GPC5: variants seen among roughly 807,000 people sequenced by gnomAD.
GPC5 encodes the protein glypican-5.
Under a neutral mutation model 53.9 loss-of-function variants are expected in GPC5, and 47 were observed. The observed-to-expected ratio is 0.87, with a 90% CI of 0.69 to 1.11. GPC5 has a LOEUF of 1.11. Among genes scored for constraint, GPC5 ranks in the 50% most tolerant of loss-of-function variants. The pLI, the probability that GPC5 is intolerant of heterozygous loss-of-function variation, is 0.00. For missense variants in GPC5, 748 were observed against 713.1 expected, an observed-to-expected ratio of 1.05 and a Z score of -0.56; for synonymous variants, 286 against 263.3, an observed-to-expected ratio of 1.09 and a Z score of -0.84.
chr13:92,556,632 G>A (rs1392731388), intron 7 of GPC5, among the ~76,000 whole-genome samples: 24 of 151,664 alleles, frequency 1.6e-4, no homozygotes, highest in Admixed American at 1.6e-3. Flanking sequence ...ACAAGCAAAA[G>A]ATGCCAGAGA....
intron 7 of GPC5, among the ~76,000 whole-genome samples, chr13:92,296,328 C>A (rs995165254): frequency 6.6e-6 from 1 of 151,442 alleles, no homozygotes; most frequent in African/African-American, 2.4e-5. Flanking sequence ...CTTAAACTCC[C>A]AAGAGTCTTC....
At chr13:92,455,619 T>C (rs1321762062) in intron 7 of GPC5, among the ~76,000 whole-genome samples, 1 of 152,130 alleles carries the variant, frequency 6.6e-6, no homozygotes, top group Non-Finnish European at 1.5e-5. Flanking sequence ...GAAAAAACAA[T>C]TGGTTAAATG....
At chr13:91,828,049 A>T (rs1194683497) in intron 5 of GPC5, among the ~76,000 whole-genome samples, 1 of 152,096 alleles carries the variant, frequency 6.6e-6, no homozygotes, top group East Asian at 1.9e-4. Context: ...CTGAATAGCA[A>T]AAGCATTATG....
At chr13:91,436,990 T>C (rs1238074591) in intron 1 of GPC5, among the ~76,000 whole-genome samples, 4 of 152,194 alleles carry the variant, frequency 2.6e-5, no homozygotes, top group African/African-American at 9.7e-5. Context: ...GTCTGTTTTA[T>C]CAGAGACTGG....
At chr13:92,482,901 T>G (rs1280772145) in intron 7 of GPC5, among the ~76,000 whole-genome samples, 1 of 152,148 alleles carries the variant, frequency 6.6e-6, no homozygotes, top group African/African-American at 2.4e-5. Context: ...TGAGACTAGT[T>G]AATTTATAAA....
chr13:92,282,485 G>T (rs1256422008), intron 7 of GPC5, among the ~76,000 whole-genome samples: 1 of 152,078 alleles, frequency 6.6e-6, no homozygotes, highest in Non-Finnish European at 1.5e-5. Context: ...AAATGTTAAG[G>T]GCAGCAAGAG....
Position 91,823,730 on chromosome 13 carries a change from A to G in GPC5, c.1280+67310A>G, listed in dbSNP as rs1047901872. Among the ~76,000 whole-genome samples the G allele has an allele frequency of 2.6e-5, 4 of 152,252 alleles. No individual in the cohort carries two copies. The East Asian group carries it at 5.8e-4, about 22-fold the overall frequency. ...AACCAATTTTTGCTATAAAACAGTG[A>G]GTGCTTTTGAGTAAGATCCAATGTC... On this transcript the variant is annotated intron_variant, in intron 5 of 7. Coordinates refer to ENST00000377067, the MANE Select transcript of GPC5 (RefSeq NM_004466.6).
At chr13:92,466,218 A>G (rs1878686869) in intron 7 of GPC5, among the ~76,000 whole-genome samples, 1 of 152,004 alleles carries the variant, frequency 6.6e-6, no homozygotes, top group Non-Finnish European at 1.5e-5. Context: ...TAGTAGTAGT[A>G]TTTTTGTCTG....
intron 7 of GPC5, among the ~76,000 whole-genome samples, chr13:92,532,124 G>C (rs1881585469): frequency 6.6e-6 from 1 of 152,116 alleles, no homozygotes; most frequent in Non-Finnish European, 1.5e-5. Flanking sequence ...ACAGAAAAGA[G>C]GAAGTTTCTA....
At chr13:91,634,083 C>T (rs1042925408) in intron 2 of GPC5, among the ~76,000 whole-genome samples, 13 of 152,008 alleles carry the variant, frequency 8.6e-5, no homozygotes, top group African/African-American at 2.4e-5. Flanking sequence ...GGAATGAGGA[C>T]ATCATTTATT....
At chr13:91,981,339 G>T (rs1384887000) in intron 6 of GPC5, among the ~76,000 whole-genome samples, 1 of 151,320 alleles carries the variant, frequency 6.6e-6, no homozygotes, top group South Asian at 2.1e-4. Context: ...GCCCAGGCTG[G>T]AGTGCAGTGG....
intron 7 of GPC5, among the ~76,000 whole-genome samples, chr13:92,582,930 G>T (rs1594321812): frequency 6.6e-6 from 1 of 152,180 alleles, no homozygotes; most frequent in South Asian, 2.1e-4. Context: ...CATATCATCT[G>T]CAAGCAATGA....
At chr13:92,421,665 C>CTCCA (rs1347634891) in intron 7 of GPC5, among the ~76,000 whole-genome samples, 1 of 135,854 alleles carries the variant, frequency 7.4e-6, no homozygotes, top group Non-Finnish European at 1.5e-5. Context: ...CGCCACTGCA[C>CTCCA]TCCAGCCTGT....
intron 7 of GPC5, among the ~76,000 whole-genome samples, chr13:92,600,487 C>A (rs1884012096): frequency 6.6e-6 from 1 of 151,430 alleles, no homozygotes; most frequent in African/African-American, 2.4e-5. Context: ...TCAATTCATT[C>A]ATTCATTCAT....
intron 5 of GPC5, among the ~76,000 whole-genome samples, chr13:91,874,209 C>T (rs542304514): frequency 2.0e-5 from 3 of 152,282 alleles, no homozygotes; most frequent in African/African-American, 7.2e-5. Flanking sequence ...AGCCCTCTTT[C>T]ACTCTCAGTA....
At chr13:91,572,671 C>T (rs996599790) in intron 2 of GPC5, among the ~76,000 whole-genome samples, 1 of 152,046 alleles carries the variant, frequency 6.6e-6, no homozygotes, top group African/African-American at 2.4e-5. Flanking sequence ...GATCTGCCCC[C>T]ATGACTCAAC....
intron 7 of GPC5, among the ~76,000 whole-genome samples, chr13:92,704,271 C>G (rs962134017): frequency 1.3e-5 from 2 of 151,924 alleles, no homozygotes; most frequent in Admixed American, 6.6e-5. Flanking sequence ...AAAATTGCAG[C>G]CACAGTTAAG....
chr13:92,823,829 A>G (rs1234202911), intron 7 of GPC5, among the ~76,000 whole-genome samples: 1 of 152,120 alleles, frequency 6.6e-6, no homozygotes, highest in Admixed American at 6.6e-5. Context: ...CCTAATACAG[A>G]CATCAAGTTT....
intron 7 of GPC5, among the ~76,000 whole-genome samples, chr13:92,814,063 C>T (rs1877382674): frequency 6.6e-6 from 1 of 151,944 alleles, no homozygotes; most frequent in Non-Finnish European, 1.5e-5. Flanking sequence ...ATTAAGTGCA[C>T]AGAACCTGTA....
Sources: gnomAD v4.1 joint callset for allele counts (sites outside exome capture counted in the v4.1 genomes callset) on GRCh38, gnomAD v4.1.1 for gene constraint, MANE v1.5 for transcripts, NCBI Gene and HGNC (gene_info 2026-07-23, HGNC 2026-07-21) for gene names.